The following CD80 variants were observed in gnomAD, a reference collection of about 807,000 sequenced individuals.
CD80 encodes CD80 molecule.
Under a neutral mutation model 27.1 loss-of-function variants are expected in CD80, and 13 were observed. The observed-to-expected ratio is 0.48, with a 90% confidence interval of 0.31 to 0.76. The LOEUF (loss-of-function observed/expected upper bound fraction) is 0.76. Ranked by LOEUF, CD80 falls within the 30% of genes least tolerant of loss-of-function variation. The pLI, the probability that CD80 is intolerant of heterozygous loss-of-function variation, is 0.04. For synonymous variants in CD80, 125 were observed against 125.5 expected, an observed-to-expected ratio of 1.00 and a Z score of 0.03; for missense variants, 277 against 347.9, an observed-to-expected ratio of 0.80 and a Z score of 1.62.
chr3:119,540,558 C>T (rs1034147837), intron 3 of CD80, among the ~76,000 whole-genome samples: 1 of 152,008 alleles, frequency 6.6e-6, no homozygotes, highest in Admixed American at 6.6e-5. Flanking sequence ...CCTATAAGAT[C>T]GACTCATGAC....
intron 5 of CD80, among the ~76,000 whole-genome samples, chr3:119,529,129 T>C (rs2082096070): frequency 6.6e-6 from 1 of 152,016 alleles, no homozygotes; most frequent in Admixed American, 6.5e-5. Context: ...TTTGTATTTT[T>C]AGTAGAGACA....
chr3:119,555,848 C>T (rs1351322119), intron 2 of CD80, among the ~76,000 whole-genome samples: 1 of 152,178 alleles, frequency 6.6e-6, no homozygotes, highest in Non-Finnish European at 1.5e-5. Flanking sequence ...AATGATTAAA[C>T]AAAAGAATGA....
chr3:119,558,281 A>C (rs1480306214), intron 1 of CD80, among the ~76,000 whole-genome samples: 1 of 152,240 alleles, frequency 6.6e-6, no homozygotes, highest in East Asian at 1.9e-4. Flanking sequence ...TATTTTGTCC[A>C]AGGCAGGACC....
In CD80 at chr3:119,525,064, G is replaced by C. The variant is rs2082056871; in HGVS notation, c.*724C>G. The C allele has an allele frequency of 6.6e-6, 1 of 152,114 alleles. No individual in the cohort carries two copies. The highest frequency in any genetic ancestry group is 1.9e-4 in the East Asian group (1 of 5,196). 9.4% of individuals were successfully genotyped at this position (152,114 alleles called of 1,614,324 possible). ...ACTATCCCTTTCCTCCTTGACTACT[G>C]CTTTGACGTACCTAAATCATTCGTC... On this transcript the variant is annotated 3_prime_UTR_variant, in exon 7 of 7. Coordinates refer to ENST00000264246, the MANE Select transcript of CD80 (RefSeq NM_005191.4).
intron 2 of CD80, among the ~76,000 whole-genome samples, chr3:119,546,182 C>A (rs1201232898): frequency 2.0e-5 from 3 of 152,074 alleles, no homozygotes; most frequent in Non-Finnish European, 4.4e-5. Flanking sequence ...AATTTTTAGT[C>A]CTATTACTTC....
chr3:119,541,514 A>C (rs2082168322), intron 3 of CD80, among the ~76,000 whole-genome samples: 1 of 152,208 alleles, frequency 6.6e-6, no homozygotes, highest in Non-Finnish European at 1.5e-5. Context: ...GGTTCTGAGC[A>C]AAGAGGATAC....
intron 2 of CD80, among the ~76,000 whole-genome samples, chr3:119,557,074 A>G (rs1462902032): frequency 6.6e-6 from 1 of 152,234 alleles, no homozygotes; most frequent in Non-Finnish European, 1.5e-5. Flanking sequence ...GCCAATGTTG[A>G]AAAAAGATCT....
intron 3 of CD80, chr3:119,544,296 T>C (rs2082187996): frequency 2.0e-6 from 1 of 503,762 alleles, no homozygotes; most frequent in Non-Finnish European, 3.6e-6. Context: ...AGAGGCTCTT[T>C]AGGTCATTAT....
At chr3:119,526,910 A>G (rs556786645) in intron 6 of CD80, among the ~76,000 whole-genome samples, 15 of 152,294 alleles carry the variant, frequency 9.8e-5, no homozygotes, top group Non-Finnish European at 1.5e-4. Context: ...GGGACCTGAT[A>G]TCAGTCTCTT....
At chr3:119,530,189 A>G (rs1344604543) in intron 4 of CD80, among the ~76,000 whole-genome samples, 1 of 152,146 alleles carries the variant, frequency 6.6e-6, no homozygotes, top group Non-Finnish European at 1.5e-5. Flanking sequence ...AAGTTGACAT[A>G]AGGAAGATTC....
At chr3:119,527,565 T>C (rs2107738653) in intron 6 of CD80, 168 bp downstream of exon 6, 1 of 520,066 alleles carries the variant, frequency 1.9e-6, no homozygotes, top group South Asian at 3.6e-5. Flanking sequence ...GCAAATTGCA[T>C]ATGGGGAGAA....
intron 1 of CD80, among the ~76,000 whole-genome samples, chr3:119,558,440 AAG>A (rs1480850797): frequency 6.6e-6 from 1 of 152,190 alleles, no homozygotes; most frequent in Non-Finnish European, 1.5e-5. Flanking sequence ...GAGGGAAAAA[AAG>A]ACACTGCAGA....
Position 119,529,834 on chromosome 3 carries a change from G to A in CD80, c.796+8C>T. Reference sequence around the variant, plus strand: ...TTGAGATCAGGATGATGGTATGATAGTACTTACAGTAGGTCAGGCAGCATA... The same window carrying A: ...TTGAGATCAGGATGATGGTATGATAATACTTACAGTAGGTCAGGCAGCATA... On this transcript the variant is annotated splice_region_variant and intron_variant, in intron 5 of 6. Transcript: ENST00000264246. 6.5e-7 allele frequency: 1 copy of A among 1,549,322 alleles called. No homozygotes were observed. The highest frequency in any genetic ancestry group is 1.1e-5 in the South Asian group (1 of 89,768).
chr3:119,534,364 C>T (rs1343174263), intron 4 of CD80, among the ~76,000 whole-genome samples: 1 of 141,670 alleles, frequency 7.1e-6, no homozygotes, highest in African/African-American at 2.6e-5. Flanking sequence ...AAGAGTGAAA[C>T]TCTGTCTCAA....
chr3:119,530,437 C>T (rs1245499557), intron 4 of CD80, among the ~76,000 whole-genome samples: 3 of 152,180 alleles, frequency 2.0e-5, no homozygotes, highest in Non-Finnish European at 1.5e-5. Flanking sequence ...CATTCACTTT[C>T]GGATACAGGT....
intron 2 of CD80, among the ~76,000 whole-genome samples, chr3:119,550,258 A>G (rs988989798): frequency 2.6e-5 from 4 of 152,118 alleles, no homozygotes; most frequent in African/African-American, 9.7e-5. Context: ...TCCCCACCGA[A>G]CTATTCATTC....
At chr3:119,537,520 G>A in intron 3 of CD80, 102 bp from the exon 4 acceptor site, 2 of 852,352 alleles carry the variant, frequency 2.3e-6, no homozygotes, top group East Asian at 5.3e-5. Flanking sequence ...AATTGATAAA[G>A]GCCAGGTGCA....
chr3:119,559,166 A>C (rs945203629), intron 1 of CD80, among the ~76,000 whole-genome samples: 1 of 152,174 alleles, frequency 6.6e-6, no homozygotes, highest in Non-Finnish European at 1.5e-5. Context: ...CTAGAATTTT[A>C]CTGGCTTGAG....
intron 1 of CD80, among the ~76,000 whole-genome samples, 195 bp downstream of exon 1, chr3:119,559,245 A>G (rs1051832644): frequency 6.6e-6 from 1 of 152,166 alleles, no homozygotes; most frequent in Non-Finnish European, 1.5e-5. Flanking sequence ...ATGGGCCACA[A>G]TTCTCACTAT....
Sources: gnomAD v4.1 joint callset for allele counts (sites outside exome capture counted in the v4.1 genomes callset) on GRCh38, gnomAD v4.1.1 for gene constraint, MANE v1.5 for transcripts, NCBI Gene and HGNC (gene_info 2026-07-23, HGNC 2026-07-21) for gene names.